The following FUT8 variants were observed in gnomAD, a reference collection of about 807,000 sequenced individuals.
FUT8 encodes the protein fucosyltransferase 8.
A neutral mutation model predicts 71.3 loss-of-function variants in FUT8; 29 were observed. The observed-to-expected ratio is 0.41, with a 90% CI of 0.30 to 0.55. The LOEUF (loss-of-function observed/expected upper bound fraction) is 0.55. FUT8 is among the 20% of genes least tolerant of loss of function. The pLI, the probability that FUT8 is intolerant of heterozygous loss-of-function variation, is 0.34. For missense variants in FUT8, 544 were observed against 702.1 expected, an observed-to-expected ratio of 0.77 and a Z score of 2.55; for synonymous variants, 254 against 239.3, an observed-to-expected ratio of 1.06 and a Z score of -0.57.
At chr14:65,425,807 C>A (rs986204092) in intron 1 of FUT8, among the ~76,000 whole-genome samples, 6 of 151,924 alleles carry the variant, frequency 3.9e-5, no homozygotes, top group Non-Finnish European at 7.4e-5. Context: ...GAAACCCCAT[C>A]TCTATTAAGA....
intron 2 of FUT8, among the ~76,000 whole-genome samples, chr14:65,461,902 G>A (rs926471678): frequency 6.6e-6 from 1 of 152,202 alleles, no homozygotes; most frequent in African/African-American, 2.4e-5. Flanking sequence ...AACTTGGGAG[G>A]AGGGGCGAGG....
intron 9 of FUT8, among the ~76,000 whole-genome samples, chr14:65,727,718 TTTTCTGCAGC>T (rs1895757934): frequency 6.6e-6 from 1 of 152,146 alleles, no homozygotes; most frequent in African/African-American, 2.4e-5. Context: ...CTTACACAAG[TTTTCTGCAGC>T]TGGCTTGAAT....
chr14:65,528,742 T>C (rs763250166), intron 2 of FUT8: 6 of 152,176 alleles, frequency 3.9e-5, no homozygotes, highest in Non-Finnish European at 8.8e-5. Context: ...TGGTTAACTT[T>C]CTGTATGACA....
the FUT8 span, among the ~76,000 whole-genome samples, chr14:65,391,455 A>C: frequency 2.1e-4 from 32 of 152,206 alleles, no homozygotes; most frequent in African/African-American, 7.5e-4. Flanking sequence ...CCCCAGGTTC[A>C]AGCGATTCTC....
chr14:65,655,369 G>A (rs771924129), intron 6 of FUT8, among the ~76,000 whole-genome samples: 18 of 151,444 alleles, frequency 1.2e-4, no homozygotes, highest in Admixed American at 5.9e-4. Flanking sequence ...CCAGCTACTC[G>A]GGAGGCTGTG....
In FUT8 at chr14:65,561,419, A is replaced by G. The variant is rs1243127834; in HGVS notation, c.-145A>G. On this transcript the variant is annotated 5_prime_UTR_variant, in exon 3 of 11. Coordinates refer to ENST00000673929, the MANE Select transcript of FUT8 (RefSeq NM_001371533.1). ...ATCTCTTTGAAAGATTCACTGCAGG[A>G]CTACCAGAGAGAATAATTTGTCTGA... 1 of 712,810 alleles carries G rather than the reference A, an allele frequency of 1.4e-6. No homozygotes were observed. Among genetic ancestry groups the G allele is most frequent in the African/African-American group, 1.8e-5 (1 of 56,482 alleles). The allele number at this position is 712,810 out of a possible 1,614,324, so 44.2% of individuals were successfully genotyped here.
At chr14:65,691,114 TG>T (rs1242908346) in intron 7 of FUT8, among the ~76,000 whole-genome samples, 1 of 151,112 alleles carries the variant, frequency 6.6e-6, no homozygotes, top group Non-Finnish European at 1.5e-5. Context: ...CTGGTTTTTT[TG>T]GGGGGTGGAG....
chr14:65,564,978 T>C lies in FUT8; in HGVS notation c.203+3212T>C, dbSNP rs540808512. Among the ~76,000 whole-genome samples the C allele has an allele frequency of 7.9e-5, 12 of 152,128 alleles. No individual in the cohort carries two copies. In the South Asian group the frequency reaches 1.7e-3, roughly 21 times the overall value. On this transcript the variant is annotated intron_variant, in intron 3 of 10. Coordinates refer to ENST00000673929, the MANE Select transcript of FUT8 (RefSeq NM_001371533.1). The stretch of plus-strand genomic sequence containing the variant: ...ACAGAATACCTGACACTGGATAGTT[T>C]ATAGAGAAAGAAGTTATTTGGCTCA...
chr14:65,445,760 A>G (rs2139511775), intron 1 of FUT8, among the ~76,000 whole-genome samples: 1 of 152,322 alleles, frequency 6.6e-6, no homozygotes, highest in Admixed American at 6.5e-5. Flanking sequence ...AAGGATTTGT[A>G]TGAAAAGTGA....
chr14:65,592,913 A>G (rs1245504943), intron 3 of FUT8, among the ~76,000 whole-genome samples: 1 of 152,198 alleles, frequency 6.6e-6, no homozygotes, highest in African/African-American at 2.4e-5. Flanking sequence ...GACACTCACT[A>G]TATGTCAGCA....
intron 7 of FUT8, among the ~76,000 whole-genome samples, chr14:65,702,121 G>A (rs935458060): frequency 3.3e-5 from 5 of 152,176 alleles, no homozygotes; most frequent in African/African-American, 4.8e-5. Flanking sequence ...CAAGGTGGGC[G>A]GATCACCTGA....
chr14:65,357,313 C>T, the FUT8 span, among the ~76,000 whole-genome samples: 5 of 152,174 alleles, frequency 3.3e-5, no homozygotes, highest in African/African-American at 1.2e-4. Flanking sequence ...CCAGAAGCCT[C>T]GGGCAAGTCT....
At chr14:65,415,112 C>A (rs968622278) in intron 1 of FUT8, among the ~76,000 whole-genome samples, 12 of 152,014 alleles carry the variant, frequency 7.9e-5, no homozygotes, top group Non-Finnish European at 1.0e-4. Flanking sequence ...TAAAATTTGC[C>A]AGTGGATTGG....
the FUT8 span, among the ~76,000 whole-genome samples, chr14:65,360,622 A>G: frequency 6.6e-6 from 1 of 152,200 alleles, no homozygotes; most frequent in East Asian, 1.9e-4. Flanking sequence ...TAATGAGGAG[A>G]TGGGGATCCA....
At chr14:65,524,913 A>C (rs929363945) in intron 2 of FUT8, among the ~76,000 whole-genome samples, 1 of 152,190 alleles carries the variant, frequency 6.6e-6, no homozygotes, top group African/African-American at 2.4e-5. Context: ...CTTGCATCCC[A>C]GGGATGAAGC....
At chr14:65,618,711 G>T (rs1956008) in intron 5 of FUT8, among the ~76,000 whole-genome samples, 127,944 of 152,122 alleles carry the variant, frequency 0.84, 53,943 homozygotes, top group East Asian at 1. Context: ...CAAACTTTTA[G>T]GTTTGCCTCT....
intron 5 of FUT8, among the ~76,000 whole-genome samples, chr14:65,619,863 T>C (rs1483686185): frequency 6.6e-6 from 1 of 152,226 alleles, no homozygotes; most frequent in Non-Finnish European, 1.5e-5. Flanking sequence ...CCTACCTCTT[T>C]GCAGTAGAGA....
intron 2 of FUT8, among the ~76,000 whole-genome samples, chr14:65,535,033 T>TATATGTATATATGTTATATATAC (rs1188471753): frequency 4.6e-5 from 7 of 150,872 alleles, no homozygotes; most frequent in African/African-American, 9.7e-5. Context: ...AGATCTAATA[T>TATATGTATATATGTTATATATAC]ATATGTATAT....
the FUT8 span, among the ~76,000 whole-genome samples, chr14:65,364,670 T>A: frequency 1.3e-5 from 2 of 152,182 alleles, no homozygotes; most frequent in East Asian, 3.8e-4. Context: ...AACCTGCCTT[T>A]TGTCCATCTG....
Sources: allele counts gnomAD v4.1 joint callset (sites outside exome capture counted in the v4.1 genomes callset), GRCh38; gene constraint gnomAD v4.1.1; transcripts MANE v1.5; gene names NCBI Gene and HGNC (gene_info 2026-07-23, HGNC 2026-07-21).